Variants in PADI3 observed in about 807,000 individuals in gnomAD.
PADI3 encodes peptidyl arginine deiminase 3, also known as protein-arginine deiminase type-3.
In PADI3, 53 loss-of-function variants were observed where a neutral mutation model predicts 71.5. That is an observed-to-expected ratio of 0.74 (90% CI 0.59 to 0.93). The LOEUF is 0.93. Ranked by LOEUF, PADI3 falls within the 40% of genes least tolerant of loss-of-function variation. PADI3 has a pLI of 0.00. For synonymous variants in PADI3, 361 were observed against 347.5 expected (o/e 1.04, Z -0.43); for missense variants, 821 against 868.0 (o/e 0.95, Z 0.68).
chr1:17,270,025 C>T (rs561419565), intron 6 of PADI3, among the ~76,000 whole-genome samples: 4 of 152,204 alleles, frequency 2.6e-5, no homozygotes, highest in South Asian at 2.1e-4. Context: ...AAGGTATGAG[C>T]GCCAGTCTTA....
Position 17,259,596 on chromosome 1 carries a change from A to G in PADI3, c.111A>G (p.Thr37=). ...VDIYGSVPEG[T]EMFEVYGTPG... ...TGCCCAGGTCAGTGCCTGAGGGCAC[A>G]GAAATGTTTGAGGTCTATGGGACGC... The change falls in exon 2 of 16, where the codon ACA becomes ACG. Residue 37 remains threonine (T), a synonymous_variant. Transcript: ENST00000375460. 6.2e-7 allele frequency: 1 copy of G among 1,610,106 alleles called. No homozygotes were observed. Among genetic ancestry groups the G allele is most frequent in the Non-Finnish European group, 8.5e-7 (1 of 1,177,618 alleles).
At chr1:17,267,718 C>A in intron 5 of PADI3, 119 bp from the exon 6 acceptor site, 1 of 1,188,214 alleles carries the variant, frequency 8.4e-7, no homozygotes, top group Non-Finnish European at 1.2e-6. Context: ...TTTCACAAAG[C>A]TAGGGCTGGG....
chr1:17,258,421 C>A (rs1301924098), intron 1 of PADI3, among the ~76,000 whole-genome samples: 1 of 152,244 alleles, frequency 6.6e-6, no homozygotes, highest in African/African-American at 2.4e-5. Flanking sequence ...TCAAAGGATG[C>A]ATAGTCTGGT....
At chr1:17,270,018 G>T (rs2073224678) in intron 6 of PADI3, among the ~76,000 whole-genome samples, 1 of 152,136 alleles carries the variant, frequency 6.6e-6, no homozygotes, top group African/African-American at 2.4e-5. Flanking sequence ...CTCCAAAAAG[G>T]TATGAGCGCC....
At chr1:17,281,285 T>C (rs2073397123) in intron 15 of PADI3, among the ~76,000 whole-genome samples, 1 of 152,176 alleles carries the variant, frequency 6.6e-6, no homozygotes, top group South Asian at 2.1e-4. Context: ...GTCCCAGTGA[T>C]CTATTTTGTA....
intron 1 of PADI3, among the ~76,000 whole-genome samples, chr1:17,251,294 C>T (rs1012344391): frequency 4.6e-5 from 7 of 152,138 alleles, no homozygotes; most frequent in African/African-American, 1.2e-4. Context: ...AGGTCCCTCC[C>T]GGCTTGGAGG....
chr1:17,258,319 T>C (rs1321046395), intron 1 of PADI3, among the ~76,000 whole-genome samples: 1 of 152,168 alleles, frequency 6.6e-6, no homozygotes, highest in Non-Finnish European at 1.5e-5. Flanking sequence ...ACAATGTTGG[T>C]CCTCAGCTCC....
chr1:17,254,717 ATTTTTT>A (rs1247695105), intron 1 of PADI3, among the ~76,000 whole-genome samples: 1 of 128,480 alleles, frequency 7.8e-6, no homozygotes, highest in African/African-American at 3.2e-5. Context: ...AGGCTCCAGC[ATTTTTT>A]TTTTTTTTTT....
At position 17,270,933 on chromosome 1, in the gene PADI3, T is replaced by C; in HGVS notation, c.886T>C (p.Trp296Arg). 1 of 1,614,140 alleles carries C rather than the reference T, an allele frequency of 6.2e-7. No individual in the cohort carries two copies. Among genetic ancestry groups the C allele is most frequent in the Admixed American group, 1.7e-5 (1 of 60,014 alleles). Residue 296 changes from tryptophan (W) to arginine (R), a missense_variant, in exon 8 of 16, where the codon TGG becomes CGG. Trp to Arg is a moderately radical substitution (Grantham distance 101). Coordinates refer to ENST00000375460, the MANE Select transcript of PADI3 (RefSeq NM_016233.2). ...TDTVVFRVAP[W>R]IMTPSTLPPL... is the part of the protein sequence containing the mutation. ...CACTGTGGTGTTCCGAGTGGCACCCTGGATCATGACGCCCAGCACTCTGCC... is the reference window on the plus strand; with the variant it reads ...CACTGTGGTGTTCCGAGTGGCACCCCGGATCATGACGCCCAGCACTCTGCC...
intron 1 of PADI3, among the ~76,000 whole-genome samples, chr1:17,249,486 G>A (rs1184403675): frequency 1.3e-5 from 2 of 152,186 alleles, no homozygotes; most frequent in Non-Finnish European, 2.9e-5. Flanking sequence ...GGGGCTTGGA[G>A]GGGGCTGGTG....
Position 17,273,956 on chromosome 1 carries a change from A to G in PADI3, c.1155+509A>G, listed in dbSNP as rs916147812. On this transcript the variant is annotated intron_variant, in intron 10 of 15. Transcript: ENST00000375460. ...AGCATCTCATCATCACAGTACCTGC[A>G]TGGAGGGAGTGTGTGTGCGCGCACC... 1.3e-5 allele frequency among the ~76,000 whole-genome samples: 2 copies of G among 152,184 alleles called. 1 individual carries two copies. Among genetic ancestry groups the G allele is most frequent in the South Asian group, 4.1e-4 (2 of 4,836 alleles).
intron 3 of PADI3, among the ~76,000 whole-genome samples, chr1:17,263,344 A>C (rs1279701616): frequency 6.6e-6 from 1 of 152,144 alleles, no homozygotes; most frequent in Non-Finnish European, 1.5e-5. Context: ...AAATATCAAG[A>C]CTTTTTTTTC....
rs574668235 is a variant in PADI3, at chr1:17,263,900, C to A, written c.346+1695C>A. 2.6e-5 allele frequency among the ~76,000 whole-genome samples: 4 copies of A among 152,254 alleles called. No individual in the cohort carries two copies. The South Asian group carries it at 8.3e-4, about 32-fold the overall frequency. On this transcript the variant is annotated intron_variant, in intron 3 of 15. Coordinates refer to ENST00000375460, the MANE Select transcript of PADI3 (RefSeq NM_016233.2). ...AATGAGCATTGCCAAGGTTGTGGAGCTGGGAAACTCCTTACAAAGGAGTGG... is the reference window on the plus strand; with the variant it reads ...AATGAGCATTGCCAAGGTTGTGGAGATGGGAAACTCCTTACAAAGGAGTGG...
intron 2 of PADI3, 47 bp from the exon 3 acceptor site, chr1:17,262,086 G>C: frequency 1.3e-6 from 2 of 1,547,480 alleles, no homozygotes; most frequent in Non-Finnish European, 1.8e-6. Flanking sequence ...TTTGGGGCGG[G>C]AGCTCTTGGC....
intron 1 of PADI3, among the ~76,000 whole-genome samples, chr1:17,249,687 A>G (rs566796651): frequency 2.2e-4 from 34 of 152,356 alleles, no homozygotes; most frequent in African/African-American, 7.9e-4. Flanking sequence ...GCCAGGCACT[A>G]TTCTAAGAGC....
rs759919099 is a variant in PADI3 at position 17,266,792 on chromosome 1, G to A, written c.482G>A (p.Cys161Tyr). The change falls in exon 5 of 16, where the codon TGT (cysteine) becomes TAT (tyrosine). Residue 161 changes from cysteine (C) to tyrosine (Y), a missense_variant. Transcript: ENST00000375460. ...AACTGTGACCGTGATGATCCGAGCT[G>A]TGATGTCCAGGACAATTGTGACCAG... The part of the protein sequence containing the change: ...LVNCDRDDPS[C>Y]DVQDNCDQHV... 1.2e-5 allele frequency: 19 copies of A among 1,614,178 alleles called. No individual in the cohort carries two copies. The highest frequency in any genetic ancestry group is 1.5e-5 in the Non-Finnish European group (18 of 1,180,034).
At chr1:17,282,763 A>T in intron 15 of PADI3, 83 bp from the exon 16 acceptor site, 2 of 1,044,950 alleles carry the variant, frequency 1.9e-6, no homozygotes, top group Non-Finnish European at 2.8e-6. Context: ...GCTGTCTAAA[A>T]CACAAACCTA....
rs60223695 is a variant in PADI3, at chr1:17,264,331, T to TACAC, written c.347-1299_347-1296dup. On this transcript the variant is annotated intron_variant, in intron 3 of 15. Transcript: ENST00000375460. ...CATACATATGTGCATAAAGCATATGTACACACACACACACACACACACACA... is the reference window on the plus strand; with the variant it reads ...CATACATATGTGCATAAAGCATATGTACACACACACACACACACACACACACACA... Among the ~76,000 whole-genome samples, 1,402 of 148,210 alleles carry TACAC rather than the reference T, an allele frequency of 9.5e-3. 5 individuals are homozygous for TACAC. Among genetic ancestry groups the TACAC allele is most frequent in the African/African-American group, 0.015 (587 of 40,310 alleles).
At chr1:17,279,191 C>G (rs1178636993) in intron 13 of PADI3, among the ~76,000 whole-genome samples, 1 of 152,190 alleles carries the variant, frequency 6.6e-6, no homozygotes, top group Non-Finnish European at 1.5e-5. Context: ...CCACCCCACC[C>G]TCGAGGGCTG....
Sources: allele counts gnomAD v4.1 joint callset (sites outside exome capture counted in the v4.1 genomes callset), GRCh38; gene constraint gnomAD v4.1.1; transcripts MANE v1.5; gene names NCBI Gene and HGNC (gene_info 2026-07-23, HGNC 2026-07-21).